Variants in TMC1 observed in about 807,000 individuals in gnomAD.
TMC1 encodes transmembrane channel-like protein 1.
Under a neutral mutation model 105.8 loss-of-function variants are expected in TMC1, and 84 were observed. The ratio of observed to expected loss-of-function variants is 0.79; its 90% CI spans 0.67 to 0.95. The LOEUF is 0.95. TMC1 is among the 40% of genes least tolerant of loss of function. TMC1 has a pLI of 0.00. For missense variants in TMC1, 817 were observed against 914.1 expected, an observed-to-expected ratio of 0.89 and a Z score of 1.37; for synonymous variants, 315 against 311.5, an observed-to-expected ratio of 1.01 and a Z score of -0.12.
chr9:72,742,360 C>A, intron 9 of TMC1, 84 bp from the exon 10 acceptor site: 1 of 1,026,906 alleles, frequency 9.7e-7, no homozygotes, highest in Non-Finnish European at 1.5e-6. Context: ...AAGCTTACTG[C>A]ATTGTAATGT....
At chr9:72,615,436 G>A (rs934078411) in intron 2 of TMC1, among the ~76,000 whole-genome samples, 6 of 152,100 alleles carry the variant, frequency 3.9e-5, no homozygotes, top group African/African-American at 4.8e-5. Context: ...TGATAAATGT[G>A]AAAAGATAAT....
intron 5 of TMC1, among the ~76,000 whole-genome samples, chr9:72,686,484 A>G (rs991647947): frequency 6.6e-6 from 1 of 152,236 alleles, no homozygotes; most frequent in Admixed American, 6.5e-5. Context: ...TGAAGGAGAT[A>G]TAGGCCAGTG....
chr9:72,601,417 G>A (rs1055386874), intron 2 of TMC1, among the ~76,000 whole-genome samples: 3 of 152,014 alleles, frequency 2.0e-5, no homozygotes, highest in Admixed American at 1.3e-4. Context: ...GCTGAGGCAG[G>A]TGGATCATTT....
In TMC1 at chr9:72,830,495, C is replaced by T. The variant is rs886638163; in HGVS notation, c.2174C>T (p.Ala725Val). ...YLNATAKGQK[A>V]ANLDLKKKMK... The stretch of plus-strand genomic sequence containing the variant: ...AATGCTACTGCCAAGGGCCAGAAGG[C>T]AGCGAATCTGGATCTCAAAAAGAAG... The change falls in exon 22 of 24, where the codon GCA becomes GTA. Residue 725 changes from alanine (A) to valine (V), a missense_variant. Coordinates refer to ENST00000297784, the MANE Select transcript of TMC1 (RefSeq NM_138691.3). The T allele has an allele frequency of 6.2e-7, 1 of 1,613,530 alleles. No homozygotes were observed. The highest frequency in any genetic ancestry group is 1.7e-5 in the Admixed American group (1 of 59,980).
At chr9:72,731,841 T>G (rs1273818852) in intron 8 of TMC1, among the ~76,000 whole-genome samples, 2 of 152,290 alleles carry the variant, frequency 1.3e-5, no homozygotes, top group Non-Finnish European at 1.5e-5. Flanking sequence ...TGTAACTGAA[T>G]CCTCCCTTTG....
At position 72,835,980 on chromosome 9, in the gene TMC1, T is replaced by C; in HGVS notation, c.*7T>C. 1.3e-6 allele frequency: 2 copies of C among 1,549,078 alleles called. No individual in the cohort carries two copies. The highest frequency in any genetic ancestry group is 1.8e-6 in the Non-Finnish European group (2 of 1,141,210). ...AGCTGCTGGTCGCCAGTAATAAGTATCCTGAGAGCCCAGAAAAGGTACACT... is the reference window on the plus strand; with the variant it reads ...AGCTGCTGGTCGCCAGTAATAAGTACCCTGAGAGCCCAGAAAAGGTACACT... On this transcript the variant is annotated 3_prime_UTR_variant, in exon 24 of 24. Coordinates refer to ENST00000297784, the MANE Select transcript of TMC1 (RefSeq NM_138691.3).
chr9:72,638,490 G>C (rs1292183040), intron 4 of TMC1, among the ~76,000 whole-genome samples: 1 of 152,124 alleles, frequency 6.6e-6, no homozygotes, highest in Non-Finnish European at 1.5e-5. Context: ...CGACACTCAT[G>C]CTCACCGAAC....
At chr9:72,549,862 T>G (rs1198245286) in intron 1 of TMC1, among the ~76,000 whole-genome samples, 1 of 151,744 alleles carries the variant, frequency 6.6e-6, no homozygotes, top group Non-Finnish European at 1.5e-5. Context: ...TCCACCCACC[T>G]TGGCCTCCCG....
intron 1 of TMC1, among the ~76,000 whole-genome samples, chr9:72,550,657 C>CAAAAAA (rs71493659): frequency 1.6e-5 from 1 of 61,784 alleles, no homozygotes; most frequent in African/African-American, 6.3e-5. Context: ...GACTCCATCT[C>CAAAAAA]AAAAAAAAAA....
intron 5 of TMC1, 78 bp downstream of exon 5, chr9:72,648,742 G>A (rs987962779): frequency 3.7e-6 from 5 of 1,365,218 alleles, no homozygotes; most frequent in Non-Finnish European, 4.2e-6. Context: ...ACTTTGGAAA[G>A]TTTGTTTTAC....
At chr9:72,693,380 A>T (rs1362859735) in intron 6 of TMC1, among the ~76,000 whole-genome samples, 1 of 152,236 alleles carries the variant, frequency 6.6e-6, no homozygotes, top group Non-Finnish European at 1.5e-5. Flanking sequence ...TAGATAATAA[A>T]TATTGAAATG....
chr9:72,727,411 C>G (rs754015179), intron 8 of TMC1, among the ~76,000 whole-genome samples: 24 of 151,722 alleles, frequency 1.6e-4, no homozygotes, highest in Non-Finnish European at 2.9e-4. Context: ...CCAGTAATTA[C>G]TTAAAGAAAA....
intron 2 of TMC1, among the ~76,000 whole-genome samples, chr9:72,583,088 G>C (rs1824499008): frequency 6.6e-6 from 1 of 152,096 alleles, no homozygotes; most frequent in African/African-American, 2.4e-5. Context: ...CTGGATTGGT[G>C]GTGTGTGCCT....
intron 21 of TMC1, among the ~76,000 whole-genome samples, chr9:72,829,720 C>A (rs1005716921): frequency 6.6e-6 from 1 of 152,104 alleles, no homozygotes; most frequent in Non-Finnish European, 1.5e-5. Flanking sequence ...GTTCAATATC[C>A]AGTTATTTGC....
At chr9:72,716,350 G>C (rs1027161296) in intron 8 of TMC1, among the ~76,000 whole-genome samples, 7 of 152,206 alleles carry the variant, frequency 4.6e-5, no homozygotes, top group African/African-American at 1.7e-4. Flanking sequence ...GTCTGCTGAG[G>C]TTGCACCCAC....
intron 8 of TMC1, among the ~76,000 whole-genome samples, chr9:72,727,746 A>G (rs772530480): frequency 6.6e-6 from 1 of 152,140 alleles, no homozygotes; most frequent in African/African-American, 2.4e-5. Context: ...CAACACAAGA[A>G]CAGTAAGAGT....
chr9:72,606,785 C>A (rs572195610), intron 2 of TMC1, among the ~76,000 whole-genome samples: 2 of 152,084 alleles, frequency 1.3e-5, no homozygotes, highest in African/African-American at 4.8e-5. Context: ...GCCTCTGGTG[C>A]TAGACTGCCT....
intron 4 of TMC1, among the ~76,000 whole-genome samples, chr9:72,630,190 C>T (rs1299191324): frequency 6.6e-6 from 1 of 152,098 alleles, no homozygotes; most frequent in East Asian, 1.9e-4. Context: ...TTTAAAGACA[C>T]ACTGTAAGAA....
chr9:72,617,233 C>T (rs1339601901), intron 3 of TMC1, among the ~76,000 whole-genome samples: 2 of 152,104 alleles, frequency 1.3e-5, no homozygotes, highest in African/African-American at 4.8e-5. Flanking sequence ...GCTATCTCGG[C>T]TCACTGAAAC....
Sources: allele counts gnomAD v4.1 joint callset (sites outside exome capture counted in the v4.1 genomes callset), GRCh38; gene constraint gnomAD v4.1.1; transcripts MANE v1.5; gene names NCBI Gene and HGNC (gene_info 2026-07-23, HGNC 2026-07-21).